Variants in ERICH5 observed in about 807,000 individuals in gnomAD.
ERICH5 encodes glutamate-rich protein 5.
In ERICH5, 24 loss-of-function variants were observed where a neutral mutation model predicts 28.0. The ratio of observed to expected loss-of-function variants is 0.86; its 90% CI spans 0.62 to 1.21. The LOEUF (loss-of-function observed/expected upper bound fraction) is 1.21. ERICH5 is among the 50% of genes most tolerant of loss of function. ERICH5 has a pLI of 0.00. For synonymous variants in ERICH5, 163 were observed against 157.6 expected (o/e 1.03, Z -0.25); for missense variants, 421 against 441.2 (o/e 0.95, Z 0.41).
At chr8:98,069,704 A>T (rs1362325645) in intron 1 of ERICH5, among the ~76,000 whole-genome samples, 1 of 152,240 alleles carries the variant, frequency 6.6e-6, no homozygotes, top group East Asian at 1.9e-4. Flanking sequence ...GTGTGCAAGT[A>T]TATCTGTAGG....
chr8:98,083,117 A>G (rs1210514146), intron 1 of ERICH5, among the ~76,000 whole-genome samples: 1 of 152,170 alleles, frequency 6.6e-6, no homozygotes. Context: ...TTTTCTGCAC[A>G]ATTTTTGCTC....
chr8:98,073,909 TTC>T (rs142320048), intron 1 of ERICH5, among the ~76,000 whole-genome samples: 3 of 110,644 alleles, frequency 2.7e-5, no homozygotes, highest in Non-Finnish European at 3.5e-5. Context: ...TTTTAAATTT[TTC>T]TCTCTTTTTC....
At chr8:98,079,141 C>A (rs1381727192) in intron 1 of ERICH5, among the ~76,000 whole-genome samples, 1 of 148,854 alleles carries the variant, frequency 6.7e-6, no homozygotes, top group Non-Finnish European at 1.5e-5. Flanking sequence ...ATACCAGGGA[C>A]CACATTTTCC....
At chr8:98,078,765 A>C (rs1815109481) in intron 1 of ERICH5, among the ~76,000 whole-genome samples, 1 of 152,238 alleles carries the variant, frequency 6.6e-6, no homozygotes, top group Non-Finnish European at 1.5e-5. Flanking sequence ...TGAGCACCAA[A>C]GGATTAGGCT....
chr8:98,093,412 C>T lies in ERICH5; in HGVS notation c.*79C>T. On this transcript the variant is annotated 3_prime_UTR_variant, in exon 3 of 3. Transcript: ENST00000318528. The stretch of plus-strand genomic sequence containing the variant: ...TGAAGCTTGTGGTTATGTATCTTAT[C>T]TTTCTACATTTACATGTTTTCTGTA... 2.2e-6 allele frequency: 2 copies of T among 902,104 alleles called. No homozygotes were observed. Among genetic ancestry groups the T allele is most frequent in the Non-Finnish European group, 3.5e-6 (2 of 577,542 alleles). The allele number at this position is 902,104 out of a possible 1,614,324, so 55.9% of individuals were successfully genotyped here.
chr8:98,082,324 TCCAGTGTA>T (rs1442803417), intron 1 of ERICH5, among the ~76,000 whole-genome samples: 1 of 152,092 alleles, frequency 6.6e-6, no homozygotes, highest in Non-Finnish European at 1.5e-5. Flanking sequence ...CTTGCCTACT[TCCAGTGTA>T]CCAGTAAAAT....
At chr8:98,092,026 T>TTCCTTCCTTCCTTC (rs1412455600) in intron 2 of ERICH5, among the ~76,000 whole-genome samples, 4 of 9,268 alleles carry the variant, frequency 4.3e-4, no homozygotes, top group Non-Finnish European at 8.1e-4. Flanking sequence ...TTCCTTCCTT[T>TTCCTTCCTTCCTTC]CGAGACAAGA....
At chr8:98,076,588 A>G (rs532532734) in intron 1 of ERICH5, among the ~76,000 whole-genome samples, 1 of 152,232 alleles carries the variant, frequency 6.6e-6, no homozygotes, top group South Asian at 2.1e-4. Context: ...TGTTAGTGTG[A>G]GGACAGAGAC....
chr8:98,078,768 A>G (rs568801971), intron 1 of ERICH5, among the ~76,000 whole-genome samples: 1 of 152,236 alleles, frequency 6.6e-6, no homozygotes, highest in African/African-American at 2.4e-5. Flanking sequence ...GCACCAAAGG[A>G]TTAGGCTCAG....
At chr8:98,092,086 A>G (rs915191474) in intron 2 of ERICH5, among the ~76,000 whole-genome samples, 9 of 140,686 alleles carry the variant, frequency 6.4e-5, no homozygotes, top group Admixed American at 5.2e-4. Flanking sequence ...ATAATCTCCA[A>G]CTCCTGGACT....
intron 1 of ERICH5, among the ~76,000 whole-genome samples, chr8:98,067,064 T>C (rs1814831567): frequency 6.6e-6 from 1 of 152,212 alleles, no homozygotes; most frequent in Non-Finnish European, 1.5e-5. Flanking sequence ...AATATTATGG[T>C]TGTCCTGTTT....
rs567683177 is a variant in ERICH5 at position 98,075,055 on chromosome 8, G to A, written c.58+10328G>A. ...AAGATTCCTCAACTGGAATTTGTCT[G>A]GTATTTTTCTCATGATGACACTGGA... On this transcript the variant is annotated intron_variant, in intron 1 of 2. Transcript: ENST00000318528. Among the ~76,000 whole-genome samples the A allele has an allele frequency of 2.0e-5, 3 of 152,076 alleles. No homozygotes were observed. The South Asian group carries it at 6.3e-4, about 32-fold the overall frequency.
chr8:98,075,053 C>T (rs1164775455), intron 1 of ERICH5, among the ~76,000 whole-genome samples: 1 of 152,004 alleles, frequency 6.6e-6, no homozygotes, highest in African/African-American at 2.4e-5. Context: ...TGGAATTTGT[C>T]TGGTATTTTT....
At chr8:98,090,900 G>A (rs1815372427) in intron 2 of ERICH5, among the ~76,000 whole-genome samples, 1 of 151,882 alleles carries the variant, frequency 6.6e-6, no homozygotes, top group South Asian at 2.1e-4. Context: ...TCATCCATCT[G>A]TTTTTGTTTA....
chr8:98,090,121 C>G lies in ERICH5; in HGVS notation c.1012+92C>G, dbSNP rs1701086070. On this transcript the variant is annotated intron_variant, in intron 2 of 2. Transcript: ENST00000318528. ...GGATGGGGTGACTGACACACAGTCCCTGAAGTCACTTTCAGGTGGTTGAAG... is the reference window on the plus strand; with the variant it reads ...GGATGGGGTGACTGACACACAGTCCGTGAAGTCACTTTCAGGTGGTTGAAG... The G allele has an allele frequency of 2.6e-5, 24 of 919,444 alleles. 1 individual carries two copies. In the South Asian group the frequency reaches 4.3e-4, roughly 16 times the overall value. 57.0% of individuals were successfully genotyped at this position (919,444 alleles called of 1,614,324 possible). A position where few individuals can be genotyped will look rare whatever the true frequency, so the allele number is the denominator to read the frequency against.
At chr8:98,093,171 G>T in intron 2 of ERICH5, 50 bp from the exon 3 acceptor site, 1 of 1,321,730 alleles carries the variant, frequency 7.6e-7, no homozygotes, top group Non-Finnish European at 1.1e-6. Flanking sequence ...GATAATTTAT[G>T]TTAATTCTAA....
chr8:98,085,300 G>A (rs1469309260), intron 1 of ERICH5, among the ~76,000 whole-genome samples: 2 of 151,124 alleles, frequency 1.3e-5, no homozygotes, highest in Admixed American at 6.6e-5. Context: ...AGCTGGGACT[G>A]CAGGCGCCCG....
intron 1 of ERICH5, 133 bp downstream of exon 1, chr8:98,064,860 C>A: frequency 3.1e-6 from 2 of 647,500 alleles, no homozygotes; most frequent in Non-Finnish European, 4.8e-6. Flanking sequence ...AGGATGCGAG[C>A]AGAACCCGGG....
chr8:98,075,895 C>T (rs990988951), intron 1 of ERICH5, among the ~76,000 whole-genome samples: 10 of 148,450 alleles, frequency 6.7e-5, no homozygotes, highest in East Asian at 2.0e-4. Flanking sequence ...TGTGAGCCAC[C>T]GTGCCTGGCC....
Sources: allele counts gnomAD v4.1 joint callset (sites outside exome capture counted in the v4.1 genomes callset), GRCh38; gene constraint gnomAD v4.1.1; transcripts MANE v1.5; gene names NCBI Gene and HGNC (gene_info 2026-07-23, HGNC 2026-07-21).